Variants in MXI1 observed in about 807,000 individuals in gnomAD.
MXI1 encodes the protein max-interacting protein 1.
MXI1 carries 18 observed loss-of-function variants against 36.9 expected under a neutral mutation model. The observed-to-expected ratio is 0.49, with a 90% confidence interval of 0.34 to 0.72. The LOEUF (loss-of-function observed/expected upper bound fraction) is 0.72, where lower values mean the gene tolerates loss of function less well. Among genes scored for constraint, MXI1 ranks in the 30% least tolerant of loss-of-function variants. The probability of loss-of-function intolerance (pLI) is 0.01; values close to 1 mark genes in which losing one functional copy is unlikely to be tolerated. For synonymous variants in MXI1, 160 were observed against 146.7 expected, an observed-to-expected ratio of 1.09 and a Z score of -0.65; for missense variants, 304 against 379.1, an observed-to-expected ratio of 0.80 and a Z score of 1.64.
chr10:110,258,654 G>C (rs751462898), intron 3 of MXI1, among the ~76,000 whole-genome samples: 5 of 152,118 alleles, frequency 3.3e-5, no homozygotes, highest in Non-Finnish European at 5.9e-5. Context: ...AGAGGGCAGA[G>C]ATAGGCACCT....
chr10:110,211,593 G>T (rs1048810912), intron 1 of MXI1, among the ~76,000 whole-genome samples: 1 of 152,190 alleles, frequency 6.6e-6, no homozygotes, highest in Admixed American at 6.5e-5. Context: ...ATTTTCCATC[G>T]TAGCCAGAAC....
chr10:110,207,726 G>T lies in MXI1; in HGVS notation c.-83G>T. 1.0e-6 allele frequency: 1 copy of T among 968,758 alleles called. No homozygotes were observed. The highest frequency in any genetic ancestry group is 4.1e-5 in the South Asian group (1 of 24,674). The allele number at this position is 968,758 out of a possible 1,614,324, so 60.0% of individuals were successfully genotyped here. A position where few individuals can be genotyped will look rare whatever the true frequency, so the allele number is the denominator to read the frequency against. The stretch of plus-strand genomic sequence containing the variant: ...CCCCGGCGCCTTCTCTGCTCCAGCC[G>T]GCCGGGTCTCCCTGGGGGCCCGGAG... On this transcript the variant is annotated 5_prime_UTR_variant, in exon 1 of 6. Transcript: ENST00000332674.
chr10:110,226,259 G>A, intron 1 of MXI1: 1 of 1,501,554 alleles, frequency 6.7e-7, no homozygotes, highest in Non-Finnish European at 8.9e-7. Flanking sequence ...GGAGGCTGCC[G>A]AGTTTTTGGA....
chr10:110,264,661 T>A (rs1856629789), intron 3 of MXI1, among the ~76,000 whole-genome samples: 1 of 152,156 alleles, frequency 6.6e-6, no homozygotes, highest in Non-Finnish European at 1.5e-5. Flanking sequence ...GTCCTAGTAA[T>A]TGATTTTTAA....
chr10:110,222,279 C>T, intron 1 of MXI1, among the ~76,000 whole-genome samples: 1 of 152,168 alleles, frequency 6.6e-6, no homozygotes, highest in East Asian at 1.9e-4. Flanking sequence ...GAAAACAGTG[C>T]CCTACTCAGT....
chr10:110,266,908 A>G (rs1015367730), intron 3 of MXI1, among the ~76,000 whole-genome samples: 4 of 152,228 alleles, frequency 2.6e-5, no homozygotes. Flanking sequence ...TAAGATTGAT[A>G]GGGGATTTTA....
intron 3 of MXI1, chr10:110,257,780 C>T (rs1856369284): frequency 3.0e-6 from 1 of 330,600 alleles, no homozygotes; most frequent in Non-Finnish European, 6.0e-6. Context: ...GAGACGCGTA[C>T]TTTATAAGAA....
chr10:110,227,708 T>A, intron 1 of MXI1: 1 of 254,348 alleles, frequency 3.9e-6, no homozygotes, highest in Non-Finnish European at 6.5e-6. Context: ...CAAGGGGCTG[T>A]AGAGATGGCG....
intron 1 of MXI1, among the ~76,000 whole-genome samples, chr10:110,216,617 C>CA (rs1462070020): frequency 1.3e-5 from 2 of 149,688 alleles, no homozygotes; most frequent in African/African-American, 2.5e-5. Context: ...CCTGGGCTTC[C>CA]AAAAGGAGTA....
At chr10:110,224,808 C>T (rs1220506790) in intron 1 of MXI1, among the ~76,000 whole-genome samples, 5 of 151,934 alleles carry the variant, frequency 3.3e-5, no homozygotes, top group East Asian at 1.9e-4. Context: ...CCACCATGCC[C>T]GGCTAATTTT....
intron 1 of MXI1, chr10:110,210,391 G>A: frequency 1.7e-6 from 1 of 593,674 alleles, no homozygotes; most frequent in Non-Finnish European, 2.1e-6. Flanking sequence ...TAGCTCTCTT[G>A]CTTCTTTTCG....
At chr10:110,245,135 C>A (rs1855817401) in intron 3 of MXI1, among the ~76,000 whole-genome samples, 1 of 152,052 alleles carries the variant, frequency 6.6e-6, no homozygotes, top group Non-Finnish European at 1.5e-5. Flanking sequence ...TTGTTACAAG[C>A]TCATGGTTTA....
intron 3 of MXI1, among the ~76,000 whole-genome samples, chr10:110,261,342 C>T (rs1257675199): frequency 6.6e-6 from 1 of 151,860 alleles, no homozygotes; most frequent in Non-Finnish European, 1.5e-5. Context: ...GATAGTTATG[C>T]TGTGTTTAAT....
intron 3 of MXI1, among the ~76,000 whole-genome samples, chr10:110,253,987 A>T (rs762793350): frequency 1.3e-5 from 2 of 151,966 alleles, no homozygotes; most frequent in Non-Finnish European, 2.9e-5. Context: ...TGGAGCTTCT[A>T]CCCAGGGCAG....
chr10:110,210,345 C>T lies in MXI1; in HGVS notation c.274+2263C>T, dbSNP rs1854481278. Reference sequence around the variant, plus strand: ...GTAATAAGTCCCTCGGCCCCGCAGCCCCCCTCCTCCGGCCGGCTCCCGGCG... The same window carrying T: ...GTAATAAGTCCCTCGGCCCCGCAGCTCCCCTCCTCCGGCCGGCTCCCGGCG... On this transcript the variant is annotated intron_variant, in intron 1 of 5. Transcript: ENST00000332674. The T allele has an allele frequency of 4.2e-6, 4 of 944,878 alleles. No homozygotes were observed. The South Asian group carries it at 2.0e-4, about 46-fold the overall frequency. The allele number at this position is 944,878 out of a possible 1,614,324, so 58.5% of individuals were successfully genotyped here. A position where few individuals can be genotyped will look rare whatever the true frequency, so the allele number is the denominator to read the frequency against.
chr10:110,207,694 CT>C lies in MXI1; in HGVS notation c.-111del. 1 of 612,992 alleles carries C rather than the reference CT, an allele frequency of 1.6e-6. No individual in the cohort carries two copies. The highest frequency in any genetic ancestry group is 6.7e-5 in the South Asian group (1 of 14,888). 38.0% of individuals were successfully genotyped at this position (612,992 alleles called of 1,614,324 possible). On this transcript the variant is annotated 5_prime_UTR_variant, in exon 1 of 6. Coordinates refer to ENST00000332674, the MANE Select transcript of MXI1 (RefSeq NM_130439.3). ...AGCGAGGCTCGGGAAGTCAGGCCGG[CT>C]TTTCGCCCCGGCGCCTTCTCTGCTC...
In MXI1 at chr10:110,279,897, T is replaced by C. The variant is rs1857174162; in HGVS notation, c.553-17T>C. On this transcript the variant is annotated splice_polypyrimidine_tract_variant and intron_variant, in intron 4 of 5. Coordinates refer to ENST00000332674, the MANE Select transcript of MXI1 (RefSeq NM_130439.3). ...ACTGGACTATACACAAATGTAAAAATCATTTCATCATTTCAGAAACTTGAA... is the reference window on the plus strand; with the variant it reads ...ACTGGACTATACACAAATGTAAAAACCATTTCATCATTTCAGAAACTTGAA... 2.5e-6 allele frequency: 4 copies of C among 1,591,836 alleles called. No homozygotes were observed. The highest frequency in any genetic ancestry group is 3.4e-6 in the Non-Finnish European group (4 of 1,170,272).
At position 110,242,288 on chromosome 10, in the gene MXI1, T is replaced by C. The variant is rs943553568; in HGVS notation, c.408-2540T>C. Among the ~76,000 whole-genome samples the C allele has an allele frequency of 2.6e-5, 4 of 152,184 alleles. No homozygotes were observed. The East Asian group carries it at 5.8e-4, about 22-fold the overall frequency. ...TGTATATTTATTTTGCCTTCAGTTA[T>C]AATTATTGCTAAACATATCTTAATT... is the stretch of plus-strand genomic sequence containing the variant. On this transcript the variant is annotated intron_variant, in intron 2 of 5. Transcript: ENST00000332674.
At chr10:110,232,570 A>G (rs986979455) in intron 2 of MXI1, among the ~76,000 whole-genome samples, 1 of 152,230 alleles carries the variant, frequency 6.6e-6, no homozygotes, top group African/African-American at 2.4e-5. Context: ...TCACTGGATT[A>G]AAAACCCTGC....
Sources: allele counts gnomAD v4.1 joint callset (sites outside exome capture counted in the v4.1 genomes callset), GRCh38; gene constraint gnomAD v4.1.1; transcripts MANE v1.5; gene names NCBI Gene and HGNC (gene_info 2026-07-23, HGNC 2026-07-21).